The following WNT2 variants were observed in gnomAD, a reference collection of about 807,000 sequenced individuals.
WNT2 encodes the protein Wnt family member 2, also known as protein Wnt-2.
Under a neutral mutation model 36.9 loss-of-function variants are expected in WNT2, and 12 were observed. The observed-to-expected ratio is 0.33, with a 90% CI of 0.21 to 0.53. The LOEUF (loss-of-function observed/expected upper bound fraction) is 0.53. Ranked by LOEUF, WNT2 falls within the 20% of genes least tolerant of loss-of-function variation. The probability of loss-of-function intolerance (pLI) is 0.95; values close to 1 mark genes in which losing one functional copy is unlikely to be tolerated. For missense variants in WNT2, 379 were observed against 473.1 expected (o/e 0.80, Z 1.84); for synonymous variants, 163 against 174.6 (o/e 0.93, Z 0.52).
At position 117,278,071 on chromosome 7, in the gene WNT2, C is replaced by G. The variant is rs539547159; in HGVS notation, c.*84G>C. Reference sequence around the variant, plus strand: ...CCACATGCCTTAGGAAATATCCCCCCAGAAAGAACCCAAAGGTCCAGTGTT... The same window carrying G: ...CCACATGCCTTAGGAAATATCCCCCGAGAAAGAACCCAAAGGTCCAGTGTT... On this transcript the variant is annotated 3_prime_UTR_variant, in exon 5 of 5. Transcript: ENST00000265441. 3 of 1,480,054 alleles carry G rather than the reference C, an allele frequency of 2.0e-6. No individual in the cohort carries two copies. The highest frequency in any genetic ancestry group is 2.5e-5 in the South Asian group (2 of 81,534). 91.7% of individuals were successfully genotyped at this position (1,480,054 alleles called of 1,614,324 possible).
chr7:117,282,131 T>C (rs1259340195), intron 4 of WNT2, among the ~76,000 whole-genome samples: 2 of 152,202 alleles, frequency 1.3e-5, no homozygotes, highest in African/African-American at 4.8e-5. Context: ...TGGGAAAAAC[T>C]AGTCATTGCT....
chr7:117,309,468 G>A (rs1180782611), intron 3 of WNT2, among the ~76,000 whole-genome samples: 3 of 152,112 alleles, frequency 2.0e-5, no homozygotes, highest in Non-Finnish European at 4.4e-5. Flanking sequence ...AATACAGGAT[G>A]CCAAGTTAAG....
chr7:117,291,277 T>C (rs1794685098), intron 4 of WNT2, among the ~76,000 whole-genome samples: 1 of 152,194 alleles, frequency 6.6e-6, no homozygotes, highest in African/African-American at 2.4e-5. Flanking sequence ...CCGTTTGTTT[T>C]TTGAACTTGA....
intron 4 of WNT2, among the ~76,000 whole-genome samples, chr7:117,286,770 A>AAAGAAAATATCTTCACTTAT (rs1794587650): frequency 6.6e-6 from 1 of 151,722 alleles, no homozygotes; most frequent in Non-Finnish European, 1.5e-5. Flanking sequence ...GCTACATAGG[A>AAAGAAAATATCTTCACTTAT]AAGACAATAT....
At chr7:117,304,236 G>GATGGGAAGTCTGAT (rs1794970448) in intron 3 of WNT2, among the ~76,000 whole-genome samples, 2 of 152,176 alleles carry the variant, frequency 1.3e-5, no homozygotes, top group African/African-American at 4.8e-5. Context: ...TAATGTTGCA[G>GATGGGAAGTCTGAT]ATGGGAAGTC....
intron 3 of WNT2, chr7:117,301,164 G>C (rs1487770392): frequency 1.3e-5 from 2 of 152,162 alleles, no homozygotes; most frequent in Non-Finnish European, 2.9e-5. Context: ...AACCTGGGAG[G>C]AAATTGAGAC....
At chr7:117,290,583 C>G (rs1794670915) in intron 4 of WNT2, among the ~76,000 whole-genome samples, 1 of 152,170 alleles carries the variant, frequency 6.6e-6, no homozygotes, top group African/African-American at 2.4e-5. Context: ...CTATAAGTGT[C>G]AAAGCAGAAG....
intron 2 of WNT2, among the ~76,000 whole-genome samples, chr7:117,317,328 A>C (rs1404468812): frequency 1.3e-5 from 2 of 152,260 alleles, no homozygotes; most frequent in Admixed American, 1.3e-4. Context: ...GAAAGAAAAC[A>C]AATCACAATC....
intron 4 of WNT2, among the ~76,000 whole-genome samples, chr7:117,288,802 C>G (rs566609579): frequency 6.6e-6 from 1 of 151,902 alleles, no homozygotes; most frequent in African/African-American, 2.4e-5. Context: ...TTTAGTGTAT[C>G]CTAAAAATAT....
At chr7:117,288,603 A>C (rs1794628923) in intron 4 of WNT2, among the ~76,000 whole-genome samples, 1 of 152,274 alleles carries the variant, frequency 6.6e-6, no homozygotes, top group Admixed American at 6.5e-5. Context: ...TTCTATTTCC[A>C]AAATACAAAG....
At chr7:117,296,787 C>G (rs745936269) in intron 4 of WNT2, among the ~76,000 whole-genome samples, 13 of 152,170 alleles carry the variant, frequency 8.5e-5, no homozygotes, top group Non-Finnish European at 1.9e-4. Flanking sequence ...AAGGTACCAT[C>G]TGGAAGGGAA....
intron 4 of WNT2, among the ~76,000 whole-genome samples, chr7:117,296,581 G>A (rs770951109): frequency 2.0e-4 from 30 of 152,028 alleles, no homozygotes; most frequent in Admixed American, 3.3e-4. Flanking sequence ...CTTGGGCTGT[G>A]GACTCCCATC....
intron 3 of WNT2, among the ~76,000 whole-genome samples, chr7:117,304,348 A>G (rs1794972212): frequency 6.6e-6 from 1 of 150,976 alleles, no homozygotes; most frequent in Non-Finnish European, 1.5e-5. Flanking sequence ...TCATTCCCTT[A>G]TTCTTGGGTT....
intron 4 of WNT2, among the ~76,000 whole-genome samples, chr7:117,294,593 TAA>T (rs5886850): frequency 0.034 from 4,414 of 128,376 alleles, 95 homozygotes; most frequent in African/African-American, 0.076. Context: ...AACTGGCAAC[TAA>T]AAAAAAAAAA....
chr7:117,296,226 T>A (rs895135958), intron 4 of WNT2, among the ~76,000 whole-genome samples: 1 of 152,122 alleles, frequency 6.6e-6, no homozygotes, highest in Non-Finnish European at 1.5e-5. Context: ...TTGTTAGAGG[T>A]CCCAAAGCAT....
intron 4 of WNT2, among the ~76,000 whole-genome samples, chr7:117,297,404 A>G (rs2116354561): frequency 6.6e-6 from 1 of 152,198 alleles, no homozygotes; most frequent in African/African-American, 2.4e-5. Context: ...TCCTGAGCTC[A>G]AGCAATCTGC....
rs60324744 is a variant in WNT2, at chr7:117,289,719, C to A, written c.853+7893G>T. Among the ~76,000 whole-genome samples, 724 of 152,250 alleles carry A rather than the reference C, an allele frequency of 4.8e-3. 29 individuals are homozygous for A. In the East Asian group the frequency reaches 0.073, roughly 15 times the overall value. The stretch of plus-strand genomic sequence containing the variant: ...TGAGCAAGGCAGATACAGTTCCTGC[C>A]GTCACAGGATCCTCAGTGGACTCCA... On this transcript the variant is annotated intron_variant, in intron 4 of 4. Transcript: ENST00000265441.
intron 3 of WNT2, among the ~76,000 whole-genome samples, chr7:117,299,841 A>G (rs182070848): frequency 2.4e-3 from 373 of 152,262 alleles, no homozygotes; most frequent in African/African-American, 7.1e-3. Flanking sequence ...ATAAACTTCA[A>G]AACTGATATT....
At position 117,320,836 on chromosome 7, in the gene WNT2, A is replaced by G. The variant is rs776103538; in HGVS notation, c.84-43T>C. 33 of 1,540,098 alleles carry G rather than the reference A, an allele frequency of 2.1e-5. No individual in the cohort carries two copies. The African/African-American group carries it at 4.5e-4, about 21-fold the overall frequency. On this transcript the variant is annotated intron_variant, in intron 1 of 4. Coordinates refer to ENST00000265441, the MANE Select transcript of WNT2 (RefSeq NM_003391.3). ...ACACAGAGGTGAGGGCAACGTGAAC[A>G]GGGAGGCCTGGCTCAGTGTTCCTGG...
Sources: gnomAD v4.1 joint callset for allele counts (sites outside exome capture counted in the v4.1 genomes callset) on GRCh38, gnomAD v4.1.1 for gene constraint, MANE v1.5 for transcripts, NCBI Gene and HGNC (gene_info 2026-07-23, HGNC 2026-07-21) for gene names.